The following MSH4 variants were observed in gnomAD, a reference collection of about 807,000 sequenced individuals.
MSH4 encodes the protein mutS protein homolog 4.
In MSH4, 106 loss-of-function variants were observed where a neutral mutation model predicts 113.7. The ratio of observed to expected loss-of-function variants is 0.93; its 90% CI spans 0.80 to 1.10. The LOEUF (loss-of-function observed/expected upper bound fraction) is 1.10, where lower values mean the gene tolerates loss of function less well. Among genes scored for constraint, MSH4 ranks in the 50% least tolerant of loss-of-function variants. The pLI is 0.00. For synonymous variants in MSH4, 368 were observed against 380.2 expected, an observed-to-expected ratio of 0.97 and a Z score of 0.37; for missense variants, 1,061 against 1,093.7, an observed-to-expected ratio of 0.97 and a Z score of 0.42.
At chr1:75,878,951 C>A in intron 11 of MSH4, 41 bp from the exon 12 acceptor site, 1 of 1,541,418 alleles carries the variant, frequency 6.5e-7, no homozygotes, top group South Asian at 1.1e-5. Context: ...AAAATTTATT[C>A]ATTTTGTTTT....
chr1:75,820,888 C>A lies in MSH4; in HGVS notation c.990-1521C>A, dbSNP rs1172774267. Among the ~76,000 whole-genome samples the A allele has an allele frequency of 9.9e-5, 15 of 151,078 alleles. No individual in the cohort carries two copies. In the East Asian group the frequency reaches 2.7e-3, roughly 27 times the overall value. On this transcript the variant is annotated intron_variant, in intron 6 of 19. Transcript: ENST00000263187. The stretch of plus-strand genomic sequence containing the variant: ...AATATATATGCACCCAATACAGGAG[C>A]ACCCAGATTCATAAAGCAAGTACTT...
intron 5 of MSH4, among the ~76,000 whole-genome samples, chr1:75,815,907 C>T (rs2100514540): frequency 6.6e-6 from 1 of 152,168 alleles, no homozygotes; most frequent in Non-Finnish European, 1.5e-5. Flanking sequence ...ACTTGGGAGG[C>T]TGAGGCAGGA....
intron 7 of MSH4, 52 bp downstream of exon 7, chr1:75,822,633 T>C: frequency 1.0e-6 from 1 of 963,378 alleles, no homozygotes; most frequent in Non-Finnish European, 1.4e-6. Context: ...AAAATACAGT[T>C]GGCTTAGTTA....
intron 7 of MSH4, 49 bp downstream of exon 7, chr1:75,822,630 A>G: frequency 2.1e-6 from 2 of 963,392 alleles, no homozygotes; most frequent in Non-Finnish European, 2.8e-6. Flanking sequence ...TGAAAAATAC[A>G]GTTGGCTTAG....
At chr1:75,840,626 A>G (rs996448876) in intron 7 of MSH4, among the ~76,000 whole-genome samples, 2 of 151,046 alleles carry the variant, frequency 1.3e-5, no homozygotes, top group Non-Finnish European at 2.9e-5. Flanking sequence ...TATGTAACTA[A>G]CCTGCACATT....
intron 8 of MSH4, among the ~76,000 whole-genome samples, chr1:75,863,742 T>G (rs909116126): frequency 6.6e-6 from 1 of 152,174 alleles, no homozygotes; most frequent in Non-Finnish European, 1.5e-5. Context: ...CAGCAAAATT[T>G]GACTCAGATG....
chr1:75,854,085 G>C (rs1213687400), intron 8 of MSH4, among the ~76,000 whole-genome samples: 1 of 142,146 alleles, frequency 7.0e-6, no homozygotes, highest in Non-Finnish European at 1.5e-5. Flanking sequence ...CTATACAATA[G>C]AAAATCATAC....
chr1:75,806,827 A>G (rs893366279), intron 2 of MSH4, among the ~76,000 whole-genome samples, 154 bp from the exon 3 acceptor site: 1 of 152,228 alleles, frequency 6.6e-6, no homozygotes, highest in Non-Finnish European at 1.5e-5. Context: ...GTACTGAACC[A>G]ATAGATCCTT....
chr1:75,903,008 T>G (rs1652544331), intron 19 of MSH4, among the ~76,000 whole-genome samples: 1 of 148,886 alleles, frequency 6.7e-6, no homozygotes, highest in Non-Finnish European at 1.5e-5. Flanking sequence ...CTCTTCACTT[T>G]GTTAATTTTT....
In MSH4 at chr1:75,912,722, G is replaced by T. The variant is rs759876225; in HGVS notation, c.2646G>T (p.Met882Ile). The T allele has an allele frequency of 3.7e-5, 58 of 1,548,534 alleles. 1 individual carries two copies. The African/African-American group carries it at 7.2e-4, about 19-fold the overall frequency. Residue 882 changes from methionine (M) to isoleucine (I), a missense_variant, in exon 20 of 20, where the codon ATG becomes ATT. Transcript: ENST00000263187. ...ILQNQRSTPEMERQRAVYHLA... is the reference protein window; with the variant it reads ...ILQNQRSTPEIERQRAVYHLA... ...AAAACCAAAGGAGTACCCCTGAGAT[G>T]GAAAGACAGAGAGCTGTGTACCATC...
chr1:75,856,128 GT>G (rs1651311092), intron 8 of MSH4, among the ~76,000 whole-genome samples: 1 of 152,044 alleles, frequency 6.6e-6, no homozygotes, highest in Non-Finnish European at 1.5e-5. Context: ...TCTATACTCA[GT>G]TTGACTATCA....
intron 17 of MSH4, among the ~76,000 whole-genome samples, chr1:75,896,346 AACACACACAC>A (rs4035039): frequency 0.011 from 1,483 of 137,274 alleles, 19 homozygotes; most frequent in African/African-American, 0.031. Flanking sequence ...ACACACATAC[AACACACACAC>A]ACACACACAC....
chr1:75,828,135 A>G (rs1369971022), intron 7 of MSH4, among the ~76,000 whole-genome samples: 1 of 152,218 alleles, frequency 6.6e-6, no homozygotes, highest in Admixed American at 6.5e-5. Flanking sequence ...TGGAATAGCT[A>G]TTATTAAAAA....
At chr1:75,828,011 T>C (rs1363795170) in intron 7 of MSH4, among the ~76,000 whole-genome samples, 2 of 152,200 alleles carry the variant, frequency 1.3e-5, no homozygotes, top group African/African-American at 4.8e-5. Context: ...CAACAGATGC[T>C]TCTCAAAAGA....
chr1:75,806,996 C>T lies in MSH4; in HGVS notation c.443C>T (p.Ala148Val), dbSNP rs140872777. ...QVGYSASSSS[A>V]ISAHSPSVIV... ...AAATTTACAGCTTCATCCTCATCTGCGATTTCTGCACACTCCCCATCAGTT... is the reference window on the plus strand; with the variant it reads ...AAATTTACAGCTTCATCCTCATCTGTGATTTCTGCACACTCCCCATCAGTT... Residue 148 changes from alanine to valine, a missense_variant, in exon 3 of 20, where the codon GCG (alanine) becomes GTG (valine). Coordinates refer to ENST00000263187, the MANE Select transcript of MSH4 (RefSeq NM_002440.4). 374 of 1,571,828 alleles carry T rather than the reference C, an allele frequency of 2.4e-4. No individual in the cohort carries two copies. In the African/African-American group the frequency reaches 2.9e-3, roughly 12 times the overall value.
chr1:75,885,628 T>C (rs12753098), intron 15 of MSH4, among the ~76,000 whole-genome samples: 4 of 56 alleles, frequency 0.071, no homozygotes, highest in African/African-American at 0.094. Flanking sequence ...ATATAATATA[T>C]ATTATATATT....
At chr1:75,871,806 A>G (rs1651717188) in intron 9 of MSH4, among the ~76,000 whole-genome samples, 1 of 152,236 alleles carries the variant, frequency 6.6e-6, no homozygotes, top group African/African-American at 2.4e-5. Context: ...AGTATTATTT[A>G]TTTATATCAG....
intron 7 of MSH4, among the ~76,000 whole-genome samples, chr1:75,828,476 T>C (rs2100527262): frequency 6.6e-6 from 1 of 152,310 alleles, no homozygotes; most frequent in Admixed American, 6.5e-5. Context: ...ACTATGCTGT[T>C]ATAAAAAGAA....
At chr1:75,895,300 G>A (rs182727950) in intron 17 of MSH4, among the ~76,000 whole-genome samples, 107 of 152,164 alleles carry the variant, frequency 7.0e-4, no homozygotes, top group Non-Finnish European at 1.0e-3. Flanking sequence ...GATTCCTTAG[G>A]GTATCTCCGT....
Sources: gnomAD v4.1 joint callset for allele counts (sites outside exome capture counted in the v4.1 genomes callset) on GRCh38, gnomAD v4.1.1 for gene constraint, MANE v1.5 for transcripts, NCBI Gene and HGNC (gene_info 2026-07-23, HGNC 2026-07-21) for gene names.